Variants in COG5 observed in about 807,000 individuals in gnomAD.
The protein encoded by COG5 is conserved oligomeric Golgi complex subunit 5.
COG5 carries 86 observed loss-of-function variants against 110.4 expected under a neutral mutation model. That is an observed-to-expected ratio of 0.78 (90% CI 0.65 to 0.93). The LOEUF (loss-of-function observed/expected upper bound fraction) is 0.93. Among genes scored for constraint, COG5 ranks in the 40% least tolerant of loss-of-function variants. The probability of loss-of-function intolerance (pLI) is 0.00; values close to 1 mark genes in which losing one functional copy is unlikely to be tolerated. For synonymous variants in COG5, 360 were observed against 334.6 expected, an observed-to-expected ratio of 1.08 and a Z score of -0.83; for missense variants, 1,077 against 987.0, an observed-to-expected ratio of 1.09 and a Z score of -1.22.
At chr7:107,204,007 G>T (rs188853071) in intron 21 of COG5, among the ~76,000 whole-genome samples, 16 of 152,172 alleles carry the variant, frequency 1.1e-4, no homozygotes, top group Non-Finnish European at 2.2e-4. Flanking sequence ...GGCATCCTGC[G>T]CCTCTGAAAG....
chr7:107,521,633 A>G (rs931518612), intron 6 of COG5, among the ~76,000 whole-genome samples: 1 of 152,238 alleles, frequency 6.6e-6, no homozygotes, highest in African/African-American at 2.4e-5. Context: ...TCAAGAAACA[A>G]TAGATGCTGA....
intron 7 of COG5, among the ~76,000 whole-genome samples, chr7:107,374,053 C>T (rs1257670637): frequency 1.3e-5 from 2 of 151,806 alleles, no homozygotes; most frequent in Non-Finnish European, 2.9e-5. Flanking sequence ...TAAAAAGAAC[C>T]AAATGGATAT....
At chr7:107,348,203 A>G (rs1811807062) in intron 10 of COG5, among the ~76,000 whole-genome samples, 1 of 151,302 alleles carries the variant, frequency 6.6e-6, no homozygotes, top group East Asian at 1.9e-4. Context: ...TCATCTGTAT[A>G]TACTGCTGCA....
chr7:107,448,134 C>T (rs1046099192), intron 6 of COG5, among the ~76,000 whole-genome samples: 9 of 152,072 alleles, frequency 5.9e-5, no homozygotes, highest in African/African-American at 1.7e-4. Flanking sequence ...CCAGCCTGGA[C>T]GACAGAGTAA....
At chr7:107,258,907 T>C (rs778773939) in intron 14 of COG5, among the ~76,000 whole-genome samples, 2 of 152,040 alleles carry the variant, frequency 1.3e-5, no homozygotes, top group Non-Finnish European at 2.9e-5. Flanking sequence ...CCCATGTATA[T>C]TTGATAGGCA....
chr7:107,281,225 T>C lies in COG5; in HGVS notation c.1575+75A>G. 4.3e-6 allele frequency: 4 copies of C among 941,070 alleles called. No homozygotes were observed. The South Asian group carries it at 5.8e-5, about 14-fold the overall frequency. The allele number at this position is 941,070 out of a possible 1,614,324, so 58.3% of individuals were successfully genotyped here. A position where few individuals can be genotyped will look rare whatever the true frequency, so the allele number is the denominator to read the frequency against. On this transcript the variant is annotated intron_variant, in intron 14 of 21. Coordinates refer to ENST00000297135, the MANE Select transcript of COG5 (RefSeq NM_006348.5). ...AAGTAAATAGTCAATTCAATATTTA[T>C]GATTAGTCAAGTATTATATAGTTAG...
At chr7:107,456,964 T>C (rs973482287) in intron 6 of COG5, among the ~76,000 whole-genome samples, 1 of 152,202 alleles carries the variant, frequency 6.6e-6, no homozygotes, top group African/African-American at 2.4e-5. Context: ...AAGGATCAAG[T>C]TGATCCACAA....
At chr7:107,320,741 T>A (rs1297866920) in intron 11 of COG5, among the ~76,000 whole-genome samples, 4 of 151,988 alleles carry the variant, frequency 2.6e-5, no homozygotes, top group African/African-American at 4.8e-5. Flanking sequence ...TAAATATAGG[T>A]CCCCTCTGTC....
In COG5 at chr7:107,411,017, T is replaced by A. The variant is rs574194601; in HGVS notation, c.669+1485A>T. Among the ~76,000 whole-genome samples the A allele has an allele frequency of 3.3e-5, 5 of 152,266 alleles. No homozygotes were observed. In the South Asian group the frequency reaches 1.0e-3, roughly 32 times the overall value. ...ACCATCTCCATAGGTATTGGTAACA[T>A]CCAGGATGTGGGATTTAGAATGGAG... On this transcript the variant is annotated intron_variant, in intron 7 of 21. Transcript: ENST00000297135.
At chr7:107,562,593 A>ACTGCAAATATATCAGGGTCT (rs1338586002) in intron 1 of COG5, among the ~76,000 whole-genome samples, 3 of 152,234 alleles carry the variant, frequency 2.0e-5, no homozygotes, top group African/African-American at 7.2e-5. Flanking sequence ...ATCAGGAGCA[A>ACTGCAAATATATCAGGGTCT]CTGCAAATAT....
intron 7 of COG5, among the ~76,000 whole-genome samples, chr7:107,386,306 T>C (rs549584347): frequency 3.0e-4 from 45 of 152,108 alleles, no homozygotes; most frequent in Admixed American, 4.6e-4. Flanking sequence ...GGGTTGCAAC[T>C]GTTTATGGCA....
At chr7:107,357,619 T>C (rs1315190353) in intron 10 of COG5, among the ~76,000 whole-genome samples, 3 of 152,138 alleles carry the variant, frequency 2.0e-5, no homozygotes, top group African/African-American at 7.2e-5. Context: ...TACCTAACAA[T>C]CCTTTTTAAT....
Position 107,541,496 on chromosome 7 carries a change from C to CA in COG5, c.417+6614dup, listed in dbSNP as rs869244428. ...TGGGCAACAGAGTGAGACCCTGTCT[C>CA]AAAAAAAAAAAAAAAAAAAAAAAAA... is the stretch of plus-strand genomic sequence containing the variant. On this transcript the variant is annotated intron_variant, in intron 5 of 21. Transcript: ENST00000297135. Among the ~76,000 whole-genome samples, 230 of 31,958 alleles carry CA rather than the reference C, an allele frequency of 7.2e-3. 23 individuals are homozygous for CA. Among genetic ancestry groups the CA allele is most frequent in the Middle Eastern group, 0.036 (1 of 28 alleles). 21.0% of individuals were successfully genotyped at this position (31,958 alleles called of 152,430 possible).
At chr7:107,404,491 T>C (rs1258660040) in intron 7 of COG5, among the ~76,000 whole-genome samples, 2 of 152,298 alleles carry the variant, frequency 1.3e-5, no homozygotes, top group African/African-American at 4.8e-5. Context: ...ATAAAATACA[T>C]ATAAGCTGTA....
intron 6 of COG5, among the ~76,000 whole-genome samples, chr7:107,443,488 C>CA (rs1794840219): frequency 6.6e-6 from 1 of 151,774 alleles, no homozygotes; most frequent in Non-Finnish European, 1.5e-5. Flanking sequence ...TTGAATTGCA[C>CA]AAGTTATAAT....
chr7:107,488,163 T>TAA (rs34645388), intron 6 of COG5, among the ~76,000 whole-genome samples: 1 of 151,870 alleles, frequency 6.6e-6, no homozygotes, highest in Non-Finnish European at 1.5e-5. Flanking sequence ...CCCATTTATT[T>TAA]AAAAAAATTT....
intron 18 of COG5, among the ~76,000 whole-genome samples, chr7:107,233,328 G>A (rs1800915893): frequency 6.6e-6 from 1 of 152,142 alleles, no homozygotes; most frequent in African/African-American, 2.4e-5. Flanking sequence ...GATCAGTGTA[G>A]GCACTGAGAC....
chr7:107,351,764 C>G (rs1362966637), intron 10 of COG5, among the ~76,000 whole-genome samples: 2 of 151,158 alleles, frequency 1.3e-5, no homozygotes, highest in Non-Finnish European at 1.5e-5. Flanking sequence ...CAATGAGATA[C>G]CATCTCACAC....
intron 8 of COG5, among the ~76,000 whole-genome samples, chr7:107,366,940 T>C (rs934418033): frequency 2.0e-5 from 3 of 152,062 alleles, no homozygotes; most frequent in East Asian, 1.9e-4. Context: ...GTAAGTATAG[T>C]GGGAAAGGCT....
Sources: gnomAD v4.1 joint callset for allele counts (sites outside exome capture counted in the v4.1 genomes callset) on GRCh38, gnomAD v4.1.1 for gene constraint, MANE v1.5 for transcripts, NCBI Gene and HGNC (gene_info 2026-07-23, HGNC 2026-07-21) for gene names.